The following GRID2 variants were observed in gnomAD, a reference collection of about 807,000 sequenced individuals.
GRID2 encodes glutamate ionotropic receptor delta type subunit 2, also known as glutamate receptor ionotropic, delta-2.
In GRID2, 33 loss-of-function variants were observed where a neutral mutation model predicts 114.8. The ratio of observed to expected loss-of-function variants is 0.29; its 90% CI spans 0.22 to 0.38. The LOEUF is 0.38. Among genes scored for constraint, GRID2 ranks in the 10% least tolerant of loss-of-function variants. GRID2 has a pLI of 1.00. For synonymous variants in GRID2, 505 were observed against 449.9 expected, an observed-to-expected ratio of 1.12 and a Z score of -1.55; for missense variants, 1,184 against 1,257.7, an observed-to-expected ratio of 0.94 and a Z score of 0.89.
At chr4:93,791,248 A>C (rs1734689247) in intron 1 of GRID2, among the ~76,000 whole-genome samples, 1 of 152,234 alleles carries the variant, frequency 6.6e-6, no homozygotes, top group Admixed American at 6.5e-5. Context: ...GGAAGTATAC[A>C]TTGTATTCCA....
At chr4:92,996,310 AAAAAT>A (rs1213431777) in intron 2 of GRID2, among the ~76,000 whole-genome samples, 1 of 152,012 alleles carries the variant, frequency 6.6e-6, no homozygotes, top group Non-Finnish European at 1.5e-5. Flanking sequence ...AAAAAATAAA[AAAAAT>A]AAAAAATAAT....
At position 93,728,976 on chromosome 4, in the gene GRID2, G is replaced by T. The variant is rs1252279300; in HGVS notation, c.2361-40234G>T. Among the ~76,000 whole-genome samples, 6 of 152,102 alleles carry T rather than the reference G, an allele frequency of 3.9e-5. No individual in the cohort carries two copies. The East Asian group carries it at 1.2e-3, about 29-fold the overall frequency. On this transcript the variant is annotated intron_variant, in intron 14 of 15. Transcript: ENST00000282020. ...CTGTGTCTTTTAATTGGAGCATTTA[G>T]CCCATTTACATTCAAAGTTAATATC...
intron 12 of GRID2, among the ~76,000 whole-genome samples, chr4:93,505,860 A>T (rs1172481559): frequency 6.6e-6 from 1 of 152,110 alleles, no homozygotes; most frequent in Non-Finnish European, 1.5e-5. Context: ...TCATGATGTG[A>T]CACAATTAGT....
chr4:93,212,992 C>A (rs1322814149), intron 5 of GRID2, among the ~76,000 whole-genome samples: 1 of 152,126 alleles, frequency 6.6e-6, no homozygotes, highest in African/African-American at 2.4e-5. Flanking sequence ...AGGCTGGTCT[C>A]GAACTCCTGA....
At chr4:93,215,825 A>G (rs906833594) in intron 5 of GRID2, among the ~76,000 whole-genome samples, 14 of 152,024 alleles carry the variant, frequency 9.2e-5, no homozygotes, top group Non-Finnish European at 1.8e-4. Context: ...AACCTCAGAA[A>G]TGCTCACTGC....
At chr4:92,587,911 G>A (rs1005213815) in intron 1 of GRID2, among the ~76,000 whole-genome samples, 1 of 152,096 alleles carries the variant, frequency 6.6e-6, no homozygotes, top group Non-Finnish European at 1.5e-5. Flanking sequence ...TTGATAAGAA[G>A]CCCTTTTTTA....
chr4:92,537,792 T>G lies in GRID2; in HGVS notation c.89-52339T>G, dbSNP rs1224629384. Among the ~76,000 whole-genome samples, 704 of 123,112 alleles carry G rather than the reference T, an allele frequency of 5.7e-3. 4 individuals are homozygous for G. The highest frequency in any genetic ancestry group is 0.021 in the African/African-American group (635 of 30,202). 80.8% of individuals were successfully genotyped at this position (123,112 alleles called of 152,430 possible). ...GCTTTCCAAAAACTTGCGGTGTGTGTGTGTGTGTGTGTGTGTGTGTGTGTG... is the reference window on the plus strand; with the variant it reads ...GCTTTCCAAAAACTTGCGGTGTGTGGGTGTGTGTGTGTGTGTGTGTGTGTG... On this transcript the variant is annotated intron_variant, in intron 1 of 15. Transcript: ENST00000282020.
intron 4 of GRID2, among the ~76,000 whole-genome samples, chr4:93,126,728 G>A (rs1437442802): frequency 1.3e-5 from 2 of 148,812 alleles, no homozygotes; most frequent in Non-Finnish European, 3.0e-5. Context: ...CTCCCGAGTA[G>A]CTGGGACTAC....
intron 2 of GRID2, among the ~76,000 whole-genome samples, chr4:93,030,742 G>C (rs1724338391): frequency 6.6e-6 from 1 of 151,702 alleles, no homozygotes; most frequent in Non-Finnish European, 1.5e-5. Flanking sequence ...TCAAATGGAA[G>C]ACAAATGAAA....
intron 1 of GRID2, among the ~76,000 whole-genome samples, chr4:92,581,892 C>T: frequency 6.6e-6 from 1 of 152,044 alleles, no homozygotes; most frequent in East Asian, 1.9e-4. Flanking sequence ...TCTCCTTCCA[C>T]TCATACCTTT....
At chr4:93,220,872 C>T (rs1744794620) in intron 6 of GRID2, among the ~76,000 whole-genome samples, 1 of 152,210 alleles carries the variant, frequency 6.6e-6, no homozygotes, top group Admixed American at 6.5e-5. Context: ...ATAAAACATG[C>T]CTATCAAATT....
intron 2 of GRID2, among the ~76,000 whole-genome samples, chr4:93,078,955 T>C (rs912322108): frequency 2.0e-5 from 3 of 148,170 alleles, no homozygotes; most frequent in Non-Finnish European, 4.5e-5. Flanking sequence ...AATATATAAA[T>C]TATATATAAA....
intron 2 of GRID2, among the ~76,000 whole-genome samples, chr4:93,007,668 A>C (rs889324846): frequency 6.6e-6 from 1 of 152,160 alleles, no homozygotes; most frequent in African/African-American, 2.4e-5. Context: ...ATCCCAGGCT[A>C]AAACAAAGGT....
intron 2 of GRID2, among the ~76,000 whole-genome samples, chr4:92,670,283 C>T (rs899847514): frequency 2.6e-5 from 4 of 151,960 alleles, no homozygotes; most frequent in African/African-American, 9.7e-5. Context: ...ATTATGTTGT[C>T]ATTAGGTAGC....
intron 14 of GRID2, among the ~76,000 whole-genome samples, chr4:93,637,717 A>G (rs1409500028): frequency 6.6e-6 from 1 of 152,170 alleles, no homozygotes; most frequent in Non-Finnish European, 1.5e-5. Context: ...AAGCTATGGG[A>G]CGATACTGAA....
chr4:92,837,151 T>A (rs1287428425), intron 2 of GRID2, among the ~76,000 whole-genome samples: 2 of 151,832 alleles, frequency 1.3e-5, no homozygotes, highest in African/African-American at 4.8e-5. Flanking sequence ...AGGGAAGAAA[T>A]GTAGAAAGCA....
chr4:93,562,669 T>C (rs1394276663), intron 13 of GRID2, among the ~76,000 whole-genome samples: 1 of 152,082 alleles, frequency 6.6e-6, no homozygotes, highest in African/African-American at 2.4e-5. Context: ...AGTGTGTGTT[T>C]TGCATTTAGG....
chr4:92,332,140 G>T (rs1458697324), intron 1 of GRID2, among the ~76,000 whole-genome samples: 2 of 152,078 alleles, frequency 1.3e-5, no homozygotes, highest in Non-Finnish European at 2.9e-5. Context: ...GCTGCTATAG[G>T]ATAATATCAC....
At chr4:93,287,994 A>G (rs537749652) in intron 8 of GRID2, among the ~76,000 whole-genome samples, 5 of 152,348 alleles carry the variant, frequency 3.3e-5, no homozygotes, top group African/African-American at 1.2e-4. Flanking sequence ...AATTAAACCT[A>G]AATGACTTAG....
Sources: allele counts gnomAD v4.1 joint callset (sites outside exome capture counted in the v4.1 genomes callset), GRCh38; gene constraint gnomAD v4.1.1; transcripts MANE v1.5; gene names NCBI Gene and HGNC (gene_info 2026-07-23, HGNC 2026-07-21).